SOS1: variants seen among roughly 807,000 people sequenced by gnomAD.
SOS1 encodes the protein SOS Ras/Rac guanine nucleotide exchange factor 1.
SOS1 carries 25 observed loss-of-function variants against 157.6 expected under a neutral mutation model. That is an observed-to-expected ratio of 0.16 (90% CI 0.12 to 0.22). The LOEUF (loss-of-function observed/expected upper bound fraction) is 0.22. Ranked by LOEUF, SOS1 falls within the 10% of genes least tolerant of loss-of-function variation. SOS1 has a pLI of 1.00. For synonymous variants in SOS1, 528 were observed against 534.0 expected, an observed-to-expected ratio of 0.99 and a Z score of 0.16; for missense variants, 1,237 against 1,599.1, an observed-to-expected ratio of 0.77 and a Z score of 3.86.
intron 17 of SOS1, among the ~76,000 whole-genome samples, chr2:39,005,286 G>A (rs1167147847): frequency 1.3e-5 from 2 of 152,118 alleles, no homozygotes; most frequent in African/African-American, 4.8e-5. Flanking sequence ...GTGGAGATGG[G>A]AGCACTACTG....
At chr2:39,083,229 T>C (rs1038943234) in intron 1 of SOS1, among the ~76,000 whole-genome samples, 2 of 151,966 alleles carry the variant, frequency 1.3e-5, no homozygotes, top group Non-Finnish European at 2.9e-5. Flanking sequence ...ATAGAAATAG[T>C]ACAAGTAGAT....
intron 1 of SOS1, among the ~76,000 whole-genome samples, chr2:39,113,360 T>TC (rs1291658290): frequency 6.6e-6 from 1 of 150,448 alleles, no homozygotes; most frequent in Admixed American, 6.6e-5. Flanking sequence ...CTGTCTTCTT[T>TC]TTTTTTTTTT....
chr2:39,055,458 C>CA (rs1671181785), intron 4 of SOS1, among the ~76,000 whole-genome samples: 4 of 152,092 alleles, frequency 2.6e-5, no homozygotes, highest in African/African-American at 9.7e-5. Context: ...CATCTCCTCT[C>CA]TGTGTAAACA....
At chr2:39,010,501 C>A in intron 15 of SOS1, 83 bp downstream of exon 15, 1 of 1,339,832 alleles carries the variant, frequency 7.5e-7, no homozygotes, top group South Asian at 1.2e-5. Flanking sequence ...AACTCCGTCT[C>A]AAAAAAAACA....
intron 3 of SOS1, 137 bp from the exon 4 acceptor site, chr2:39,057,003 G>T (rs1018960293): frequency 1.4e-5 from 10 of 690,508 alleles, no homozygotes; most frequent in African/African-American, 7.2e-5. Context: ...ACATTTAATT[G>T]TAAGTGGTTC....
intron 6 of SOS1, among the ~76,000 whole-genome samples, chr2:39,048,675 T>C (rs1309597278): frequency 6.6e-6 from 1 of 152,152 alleles, no homozygotes; most frequent in Non-Finnish European, 1.5e-5. Context: ...GTGCTGGGAT[T>C]ACAGGCATCA....
chr2:38,991,002 GACAA>G (rs1300396710), intron 20 of SOS1, among the ~76,000 whole-genome samples: 1 of 152,086 alleles, frequency 6.6e-6, no homozygotes, highest in Middle Eastern at 3.2e-3. Context: ...CCAGATGACA[GACAA>G]ATGGTCCTCA....
At chr2:39,013,678 T>C (rs1669537484) in intron 12 of SOS1, 115 bp from the exon 13 acceptor site, 2 of 918,232 alleles carry the variant, frequency 2.2e-6, no homozygotes, top group African/African-American at 1.6e-5. Flanking sequence ...ATCTTATCAG[T>C]GTGCTTAACA....
chr2:39,063,466 G>A (rs770032452), intron 2 of SOS1, among the ~76,000 whole-genome samples: 1 of 152,162 alleles, frequency 6.6e-6, no homozygotes, highest in Non-Finnish European at 1.5e-5. Flanking sequence ...ACTGAAGCAC[G>A]ACTCTACTTC....
chr2:39,042,208 T>A (rs956678103), intron 6 of SOS1, among the ~76,000 whole-genome samples: 1 of 152,122 alleles, frequency 6.6e-6, no homozygotes, highest in Non-Finnish European at 1.5e-5. Context: ...CCCCTCAACT[T>A]GTTCTTCCTC....
intron 1 of SOS1, among the ~76,000 whole-genome samples, chr2:39,068,800 T>C (rs912956808): frequency 2.6e-5 from 4 of 152,168 alleles, no homozygotes; most frequent in Admixed American, 2.0e-4. Context: ...AAAGCTTGCA[T>C]GTTAATAAAC....
At chr2:39,102,204 CAAA>C (rs58865034) in intron 1 of SOS1, among the ~76,000 whole-genome samples, 1,089 of 23,658 alleles carry the variant, frequency 0.046, 37 homozygotes, top group African/African-American at 0.15. Flanking sequence ...GACTCTGTCT[CAAA>C]AAAAAAAAAA....
chr2:39,039,330 ATT>A (rs923158404), intron 6 of SOS1, among the ~76,000 whole-genome samples: 1 of 152,160 alleles, frequency 6.6e-6, no homozygotes, highest in South Asian at 2.1e-4. Flanking sequence ...ATGCATGAAT[ATT>A]TTTTAGAGCA....
In SOS1 at chr2:38,982,809, G is replaced by A. The variant is rs934972737; in HGVS notation, c.*3015C>T. On this transcript the variant is annotated 3_prime_UTR_variant, in exon 23 of 23. Transcript: ENST00000402219. ...GACCATAAATACCAACTAATTTTTG[G>A]TTTACATAAGGTAATTTTTGATTTA... is the stretch of plus-strand genomic sequence containing the variant. 4 of 152,042 alleles carry A rather than the reference G, an allele frequency of 2.6e-5. No homozygotes were observed. Among genetic ancestry groups the A allele is most frequent in the African/African-American group, 9.7e-5 (4 of 41,400 alleles). The allele number at this position is 152,042 out of a possible 1,614,324, so 9.4% of individuals were successfully genotyped here.
chr2:39,098,809 A>G (rs1184497024), intron 1 of SOS1, among the ~76,000 whole-genome samples: 1 of 152,204 alleles, frequency 6.6e-6, no homozygotes, highest in East Asian at 1.9e-4. Flanking sequence ...GAATTGCCTG[A>G]ACCCGGAAGG....
chr2:39,110,073 T>TGC (rs1392393656), intron 1 of SOS1, among the ~76,000 whole-genome samples: 1 of 151,434 alleles, frequency 6.6e-6, no homozygotes, highest in African/African-American at 2.4e-5. Context: ...TGTGTGTGTG[T>TGC]GTGTGTATGT....
chr2:39,029,482 G>C (rs1353313789), intron 8 of SOS1, among the ~76,000 whole-genome samples: 1 of 152,074 alleles, frequency 6.6e-6, no homozygotes, highest in Non-Finnish European at 1.5e-5. Flanking sequence ...AAATTAGCCA[G>C]GCATGGTGGC....
Position 39,023,021 on chromosome 2 carries a change from A to T in SOS1, c.1407T>A (p.Ile469=), listed in dbSNP as rs1416064226. 6.2e-7 allele frequency: 1 copy of T among 1,613,778 alleles called. No homozygotes were observed. The highest frequency in any genetic ancestry group is 8.5e-7 in the Non-Finnish European group (1 of 1,179,762). ...GCTGCCCATGATTTGATTTACAGCAAATCATTAAGCCATCAAAGAGAAATA... is the reference window on the plus strand; with the variant it reads ...GCTGCCCATGATTTGATTTACAGCATATCATTAAGCCATCAAAGAGAAATA... The part of the protein sequence containing the change: ...RHIFLFDGLM[I]CCKSNHGQPR... The change falls in exon 10 of 23, where the codon ATT becomes ATA. Residue 469 remains isoleucine (I), a synonymous_variant. Transcript: ENST00000402219.
rs116209679 is a variant in SOS1 at position 39,104,301 on chromosome 2, C to A, written c.87+16035G>T. Among the ~76,000 whole-genome samples the A allele has an allele frequency of 3.0e-3, 449 of 151,948 alleles. 2 individuals carry two copies. Among genetic ancestry groups the A allele is most frequent in the African/African-American group, 9.7e-3 (401 of 41,424 alleles). ...TCATCTCAAATAAATAAATAAATAA[C>A]TAATTTAAAAAGGGGCAATGAATTT... On this transcript the variant is annotated intron_variant, in intron 1 of 22. Transcript: ENST00000402219.
Sources: allele counts gnomAD v4.1 joint callset (sites outside exome capture counted in the v4.1 genomes callset), GRCh38; gene constraint gnomAD v4.1.1; transcripts MANE v1.5; gene names NCBI Gene and HGNC (gene_info 2026-07-23, HGNC 2026-07-21).